Variants in PCDH9 observed in about 807,000 individuals in gnomAD.
PCDH9 encodes protocadherin-9.
PCDH9 carries 24 observed loss-of-function variants against 70.6 expected under a neutral mutation model. The observed-to-expected ratio is 0.34, with a 90% confidence interval of 0.25 to 0.48. PCDH9 has a LOEUF of 0.48. Ranked by LOEUF, PCDH9 falls within the 20% of genes least tolerant of loss-of-function variation. The probability of loss-of-function intolerance (pLI) is 0.99; values close to 1 mark genes in which losing one functional copy is unlikely to be tolerated. For missense variants in PCDH9, 1,281 were observed against 1,503.6 expected, an observed-to-expected ratio of 0.85 and a Z score of 2.45; for synonymous variants, 562 against 558.5, an observed-to-expected ratio of 1.01 and a Z score of -0.09.
At chr13:67,025,180 C>T (rs906251020) in intron 2 of PCDH9, among the ~76,000 whole-genome samples, 6 of 151,918 alleles carry the variant, frequency 3.9e-5, no homozygotes, top group African/African-American at 1.2e-4. Context: ...ACTTGTGGTG[C>T]TATATGCTAA....
intron 4 of PCDH9, among the ~76,000 whole-genome samples, chr13:66,326,564 G>A (rs954610414): frequency 1.3e-5 from 2 of 151,870 alleles, no homozygotes; most frequent in East Asian, 1.9e-4. Flanking sequence ...GACTACAGGC[G>A]CCCGCCACCA....
intron 4 of PCDH9, among the ~76,000 whole-genome samples, chr13:66,344,014 A>G (rs896069342): frequency 1.3e-5 from 2 of 152,226 alleles, no homozygotes; most frequent in African/African-American, 2.4e-5. Context: ...CCCTTAGAAA[A>G]GGAAATGTTT....
chr13:66,491,385 T>TTGTGTGTGTCTGTGTGTGTG (rs1959029836), intron 4 of PCDH9, among the ~76,000 whole-genome samples: 3 of 136,030 alleles, frequency 2.2e-5, no homozygotes, highest in African/African-American at 8.3e-5. Context: ...GCAGGAGATA[T>TTGTGTGTGTCTGTGTGTGTG]TGTGTGTGTG....
chr13:67,015,041 T>C (rs757698740), intron 2 of PCDH9, among the ~76,000 whole-genome samples: 1 of 152,142 alleles, frequency 6.6e-6, no homozygotes, highest in Non-Finnish European at 1.5e-5. Context: ...TTCCTTGACT[T>C]CACAAACGCA....
chr13:67,001,296 A>G (rs536422222), intron 2 of PCDH9, among the ~76,000 whole-genome samples: 1 of 152,348 alleles, frequency 6.6e-6, no homozygotes, highest in Admixed American at 6.5e-5. Flanking sequence ...AACTGATTTT[A>G]AAACTGAACT....
In PCDH9 at chr13:67,063,877, A is replaced by G. The variant is rs1368353462; in HGVS notation, c.3037-160272T>C. Among the ~76,000 whole-genome samples the G allele has an allele frequency of 2.6e-5, 4 of 152,190 alleles. No individual in the cohort carries two copies. The East Asian group carries it at 7.7e-4, about 29-fold the overall frequency. ...ACAAATAGGTTGCAGAGTGATAGGTACTATGAGGAATTGATATGATATTTA... is the reference window on the plus strand; with the variant it reads ...ACAAATAGGTTGCAGAGTGATAGGTGCTATGAGGAATTGATATGATATTTA... On this transcript the variant is annotated intron_variant, in intron 2 of 4. Coordinates refer to ENST00000377865, the MANE Select transcript of PCDH9 (RefSeq NM_203487.3).
At chr13:66,782,030 C>G (rs113523162) in intron 3 of PCDH9, among the ~76,000 whole-genome samples, 2,673 of 152,166 alleles carry the variant, frequency 0.018, 72 homozygotes, top group African/African-American at 0.061. Context: ...CTCAATATAT[C>G]AAACTTCTTG....
intron 2 of PCDH9, among the ~76,000 whole-genome samples, chr13:66,999,471 G>GA (rs1242836903): frequency 6.6e-6 from 1 of 151,966 alleles, no homozygotes; most frequent in South Asian, 2.1e-4. Context: ...AACTGTTTAA[G>GA]AAAAAAGTTT....
At chr13:66,889,859 C>A (rs185394495) in intron 3 of PCDH9, among the ~76,000 whole-genome samples, 7 of 151,656 alleles carry the variant, frequency 4.6e-5, no homozygotes, top group African/African-American at 1.5e-4. Flanking sequence ...CGCTTTTTGG[C>A]GAAAAAATAG....
chr13:67,182,876 T>C (rs750870180), intron 2 of PCDH9, among the ~76,000 whole-genome samples: 2 of 152,130 alleles, frequency 1.3e-5, no homozygotes, highest in Non-Finnish European at 2.9e-5. Flanking sequence ...CTAATTTCCA[T>C]GGAATGTTGG....
At chr13:66,934,370 T>C (rs1429061509) in intron 2 of PCDH9, among the ~76,000 whole-genome samples, 3 of 151,420 alleles carry the variant, frequency 2.0e-5, no homozygotes, top group Non-Finnish European at 4.4e-5. Context: ...CGAAACCCCG[T>C]CTCTAGTAAA....
chr13:66,794,067 ACTGTCATGTATAATT>A (rs952486727), intron 3 of PCDH9, among the ~76,000 whole-genome samples: 1 of 152,156 alleles, frequency 6.6e-6, no homozygotes, highest in Non-Finnish European at 1.5e-5. Flanking sequence ...GAAGAACTCC[ACTGTCATGTATAATT>A]CTATGAAGGA....
chr13:66,566,911 G>A (rs936899553), intron 4 of PCDH9, among the ~76,000 whole-genome samples: 2 of 151,896 alleles, frequency 1.3e-5, no homozygotes, highest in Admixed American at 6.6e-5. Flanking sequence ...TTGCACTGTC[G>A]TATAAGCATA....
chr13:66,405,240 T>C (rs1440457456), intron 4 of PCDH9, among the ~76,000 whole-genome samples: 1 of 152,236 alleles, frequency 6.6e-6, no homozygotes, highest in Non-Finnish European at 1.5e-5. Context: ...TCTTCATTTC[T>C]CTTTATTATT....
At chr13:66,811,761 TTC>T (rs998726628) in intron 3 of PCDH9, among the ~76,000 whole-genome samples, 5 of 149,820 alleles carry the variant, frequency 3.3e-5, no homozygotes, top group African/African-American at 1.2e-4. Flanking sequence ...TTCTTTTTCT[TTC>T]TCTCTCTCTC....
intron 4 of PCDH9, among the ~76,000 whole-genome samples, chr13:66,606,888 G>T (rs1773725048): frequency 6.6e-6 from 1 of 151,888 alleles, no homozygotes; most frequent in Non-Finnish European, 1.5e-5. Flanking sequence ...CTGTATTATT[G>T]TGGGTTACCA....
chr13:67,024,944 A>G (rs1169105294), intron 2 of PCDH9, among the ~76,000 whole-genome samples: 1 of 152,152 alleles, frequency 6.6e-6, no homozygotes, highest in South Asian at 2.1e-4. Context: ...TCATCTACTT[A>G]CATAAATGAA....
chr13:66,543,248 C>T (rs1288110504), intron 4 of PCDH9, among the ~76,000 whole-genome samples: 1 of 152,002 alleles, frequency 6.6e-6, no homozygotes, highest in African/African-American at 2.4e-5. Context: ...ATATAACCTG[C>T]ACCTCAAATT....
At chr13:66,449,333 A>G (rs1566334228) in intron 4 of PCDH9, among the ~76,000 whole-genome samples, 1 of 152,186 alleles carries the variant, frequency 6.6e-6, no homozygotes, top group Non-Finnish European at 1.5e-5. Flanking sequence ...CAAAGTGATT[A>G]CTTAGTCTTT....
Sources: allele counts gnomAD v4.1 joint callset (sites outside exome capture counted in the v4.1 genomes callset), GRCh38; gene constraint gnomAD v4.1.1; transcripts MANE v1.5; gene names NCBI Gene and HGNC (gene_info 2026-07-23, HGNC 2026-07-21).